LRRK2: variants seen among roughly 807,000 people sequenced by gnomAD.
The protein encoded by LRRK2 is leucine-rich repeat serine/threonine-protein kinase 2.
A neutral mutation model predicts 302.6 loss-of-function variants in LRRK2; 203 were observed. The ratio of observed to expected loss-of-function variants is 0.67; its 90% CI spans 0.60 to 0.75. The LOEUF (loss-of-function observed/expected upper bound fraction) is 0.75. Ranked by LOEUF, LRRK2 falls within the 30% of genes least tolerant of loss-of-function variation. LRRK2 has a pLI of 0.00. For missense variants in LRRK2, 2,830 were observed against 2,951.0 expected, an observed-to-expected ratio of 0.96 and a Z score of 0.95; for synonymous variants, 1,066 against 1,031.9, an observed-to-expected ratio of 1.03 and a Z score of -0.63.
At chr12:40,247,403 A>G (rs1290349163) in intron 7 of LRRK2, among the ~76,000 whole-genome samples, 4 of 141,606 alleles carry the variant, frequency 2.8e-5, no homozygotes, top group African/African-American at 1.0e-4. Flanking sequence ...GTGTATATAT[A>G]TACTCACATA....
chr12:40,330,620 T>C (rs1945685496), intron 39 of LRRK2, among the ~76,000 whole-genome samples: 1 of 152,316 alleles, frequency 6.6e-6, no homozygotes, highest in Non-Finnish European at 1.5e-5. Context: ...ATCATTTTTA[T>C]TGACAACTAC....
At chr12:40,347,565 G>T (rs931279667) in intron 42 of LRRK2, among the ~76,000 whole-genome samples, 2 of 152,018 alleles carry the variant, frequency 1.3e-5, no homozygotes, top group African/African-American at 4.8e-5. Context: ...ATCTTTTTTG[G>T]GTATAACTTC....
chr12:40,353,583 G>A (rs1272081338), intron 44 of LRRK2, among the ~76,000 whole-genome samples: 4 of 152,080 alleles, frequency 2.6e-5, no homozygotes, highest in Non-Finnish European at 2.9e-5. Context: ...AGACGGGGTG[G>A]CGGCCGGGCA....
intron 8 of LRRK2, 60 bp downstream of exon 8, chr12:40,250,005 T>C: frequency 6.3e-7 from 1 of 1,594,098 alleles, no homozygotes; most frequent in East Asian, 2.3e-5. Flanking sequence ...AATATGAACA[T>C]TGTAACAAGA....
At chr12:40,336,164 C>T (rs1405435799) in intron 40 of LRRK2, among the ~76,000 whole-genome samples, 2 of 152,156 alleles carry the variant, frequency 1.3e-5, no homozygotes, top group Non-Finnish European at 2.9e-5. Flanking sequence ...CTCAGCCACT[C>T]CCATCCCTGA....
chr12:40,251,172 T>A (rs1298415252), intron 8 of LRRK2, 60 bp from the exon 9 acceptor site: 2 of 1,178,218 alleles, frequency 1.7e-6, no homozygotes, highest in African/African-American at 3.1e-5. Flanking sequence ...TTAGAGTTGG[T>A]CAAACTGTTA....
chr12:40,342,202 T>G (rs758309513), intron 41 of LRRK2, among the ~76,000 whole-genome samples: 13 of 152,206 alleles, frequency 8.5e-5, no homozygotes, highest in Non-Finnish European at 1.5e-4. Context: ...CTTCACTCTG[T>G]GGTCTAGGCC....
rs146948714 is a variant in LRRK2 at position 40,298,345 on chromosome 12, C to T, written c.3199C>T (p.Arg1067Ter). 6.2e-7 allele frequency: 1 copy of T among 1,613,832 alleles called. No homozygotes were observed. Residue 1067 changes from arginine (R) to a stop codon, truncating the protein, a stop_gained, in exon 24 of 51, where the codon CGA becomes TGA. Transcript: ENST00000298910. LOFTEE classifies it high-confidence loss of function. ...MSCIANLDVS[R>*]NDIGPSVVLD... ...TTGTATTGCTAATCTTGATGTCTCT[C>T]GAAATGACATTGGACCCTCAGTGGT...
At chr12:40,249,449 C>T (rs986162252) in intron 7 of LRRK2, among the ~76,000 whole-genome samples, 2 of 151,414 alleles carry the variant, frequency 1.3e-5, no homozygotes. Flanking sequence ...ATTGGGTCTT[C>T]CAAAAGATGG....
At chr12:40,318,374 T>A (rs1318731557) in intron 33 of LRRK2, among the ~76,000 whole-genome samples, 2 of 152,196 alleles carry the variant, frequency 1.3e-5, no homozygotes, top group African/African-American at 2.4e-5. Flanking sequence ...AAAAAATAAG[T>A]GTATCTTAGT....
At position 40,367,902 on chromosome 12, in the gene LRRK2, T is replaced by G; in HGVS notation, c.*137T>G. On this transcript the variant is annotated 3_prime_UTR_variant, in exon 51 of 51. Transcript: ENST00000298910. ...GTGTATGAAGGAATGTTATTATTTTTAATTTAAATATATGTAAAAATACTT... is the reference window on the plus strand; with the variant it reads ...GTGTATGAAGGAATGTTATTATTTTGAATTTAAATATATGTAAAAATACTT... 1.5e-6 allele frequency: 1 copy of G among 650,638 alleles called. No homozygotes were observed. The highest frequency in any genetic ancestry group is 2.4e-6 in the Non-Finnish European group (1 of 414,832). The allele number at this position is 650,638 out of a possible 1,614,324, so 40.3% of individuals were successfully genotyped here.
chr12:40,335,338 C>G (rs996011088), intron 40 of LRRK2, among the ~76,000 whole-genome samples, 181 bp downstream of exon 40: 1 of 152,144 alleles, frequency 6.6e-6, no homozygotes, highest in Non-Finnish European at 1.5e-5. Flanking sequence ...GTATGGAAAC[C>G]ATGCAGAACC....
chr12:40,311,156 C>T (rs565974156), intron 31 of LRRK2, among the ~76,000 whole-genome samples: 42 of 152,058 alleles, frequency 2.8e-4, no homozygotes, highest in African/African-American at 7.2e-4. Flanking sequence ...TTTTTCCCTC[C>T]GTATTGTGAG....
rs201231550 is a variant in LRRK2 at position 40,274,570 on chromosome 12, C to G, written c.1657-13C>G. 3.7e-6 allele frequency: 6 copies of G among 1,613,132 alleles called. No individual in the cohort carries two copies. Among genetic ancestry groups the G allele is most frequent in the Non-Finnish European group, 4.2e-6 (5 of 1,179,634 alleles). ...GATCTCATTTTTAACAGCGAGTATTCTTTTGATTTTAGTTCATTGGAAATC... is the reference window on the plus strand; with the variant it reads ...GATCTCATTTTTAACAGCGAGTATTGTTTTGATTTTAGTTCATTGGAAATC... On this transcript the variant is annotated splice_polypyrimidine_tract_variant and intron_variant, in intron 14 of 50. Transcript: ENST00000298910.
chr12:40,315,401 C>A, intron 33 of LRRK2, 101 bp downstream of exon 33: 1 of 959,288 alleles, frequency 1.0e-6, no homozygotes, highest in South Asian at 1.3e-5. Context: ...TTAGTTAAGG[C>A]AGAAACTTTT....
At chr12:40,295,179 A>T (rs1349830308) in intron 22 of LRRK2, among the ~76,000 whole-genome samples, 1 of 150,520 alleles carries the variant, frequency 6.6e-6, no homozygotes, top group Non-Finnish European at 1.5e-5. Context: ...CACCAAGGCC[A>T]CTCTTCATCC....
intron 2 of LRRK2, among the ~76,000 whole-genome samples, chr12:40,228,397 T>A (rs1476795857): frequency 2.0e-5 from 3 of 151,712 alleles, no homozygotes; most frequent in African/African-American, 7.3e-5. Context: ...TTTTGAGAAA[T>A]GTCTATTTGG....
rs375647996 is a variant in LRRK2 at position 40,232,360 on chromosome 12, T to C, written c.324T>C (p.Asp108=). 3.7e-6 allele frequency: 6 copies of C among 1,613,826 alleles called. No individual in the cohort carries two copies. The highest frequency in any genetic ancestry group is 5.1e-6 in the Non-Finnish European group (6 of 1,179,722). ...SLMGPQDVGN[D]WEVLGVHQLI... is the part of the protein sequence containing the mutation. Reference sequence around the variant, plus strand: ...TGGGACCCCAGGATGTTGGAAATGATTGGGAAGTCCTTGGTGTTCACCAGT... The same window carrying C: ...TGGGACCCCAGGATGTTGGAAATGACTGGGAAGTCCTTGGTGTTCACCAGT... Residue 108 remains aspartate (D), a synonymous_variant, in exon 3 of 51, where the codon GAT becomes GAC. Coordinates refer to ENST00000298910, the MANE Select transcript of LRRK2 (RefSeq NM_198578.4).
chr12:40,364,852 G>A lies in LRRK2; in HGVS notation c.7192G>A (p.Val2398Ile). The A allele has an allele frequency of 3.7e-6, 6 of 1,610,784 alleles. No homozygotes were observed. In the South Asian group the frequency reaches 6.6e-5, roughly 18 times the overall value. Residue 2398 changes from valine (V) to isoleucine (I), a missense_variant, in exon 49 of 51, where the codon GTA becomes ATA. Physicochemically the swap from Val to Ile is conservative, Grantham distance 29 (BLOSUM62 3). Around this residue, in one of 3 missense-constraint regions of LRRK2, gnomAD observed 456 missense variants for 456.3 expected, o/e 1.00. Transcript: ENST00000298910. Reference protein sequence around the residue: ...DCVHFLREVMVKENKESKHKM... With the variant: ...DCVHFLREVMIKENKESKHKM... ...ACTTTATGGTTCTAGGGAGGTAATG[G>A]TAAAAGAAAACAAGGAATCAAAACA...
Sources: allele counts gnomAD v4.1 joint callset (sites outside exome capture counted in the v4.1 genomes callset), GRCh38; gene constraint gnomAD v4.1.1; regional missense constraint gnomAD v4.1.1; transcripts MANE v1.5; gene names NCBI Gene and HGNC (gene_info 2026-07-23, HGNC 2026-07-21).